Variants in DEAF1 observed in about 807,000 individuals in gnomAD.
DEAF1 encodes the protein deformed epidermal autoregulatory factor 1 homolog.
A neutral mutation model predicts 58.9 loss-of-function variants in DEAF1; 53 were observed. The observed-to-expected ratio is 0.90, with a 90% CI of 0.72 to 1.13. The LOEUF (loss-of-function observed/expected upper bound fraction) is 1.13, where lower values mean the gene tolerates loss of function less well. Among genes scored for constraint, DEAF1 ranks in the 50% most tolerant of loss-of-function variants. DEAF1 has a pLI of 0.00. For missense variants in DEAF1, 685 were observed against 791.4 expected, an observed-to-expected ratio of 0.87 and a Z score of 1.61; for synonymous variants, 385 against 340.4, an observed-to-expected ratio of 1.13 and a Z score of -1.44.
In DEAF1 at chr11:704,015, C is replaced by T. The variant is rs536862330; in HGVS notation, c.-438+2557G>A. 3.1e-5 allele frequency: 37 copies of T among 1,204,952 alleles called. No individual in the cohort carries two copies. The African/African-American group carries it at 4.4e-4, about 14-fold the overall frequency. 74.6% of individuals were successfully genotyped at this position (1,204,952 alleles called of 1,614,324 possible). A position where few individuals can be genotyped will look rare whatever the true frequency, so the allele number is the denominator to read the frequency against. On this transcript the variant is annotated intron_variant, in intron 1 of 11. Coordinates refer to the DEAF1 transcript ENST00000683307. Reference sequence around the variant, plus strand: ...GTATCTAAGCTGTTACAGTAGCTTTCCCTTCACTTGATTCTATTGTGTGTT... The same window carrying T: ...GTATCTAAGCTGTTACAGTAGCTTTTCCTTCACTTGATTCTATTGTGTGTT...
rs564111892 is a variant in DEAF1, at chr11:658,938, T to G, written c.1504-4887A>C. 2.3e-4 allele frequency among the ~76,000 whole-genome samples: 35 copies of G among 152,336 alleles called. No individual in the cohort carries two copies. In the South Asian group the frequency reaches 7.2e-3, roughly 32 times the overall value. On this transcript the variant is annotated intron_variant, in intron 10 of 11. Transcript: ENST00000382409. ...GTTTCATTATAATTGATTTTTAAAT[T>G]AGACAAATTACAGATAACAAAGCCA... is the stretch of plus-strand genomic sequence containing the variant.
chr11:686,929 C>T lies in DEAF1; in HGVS notation c.733G>A (p.Gly245Arg), dbSNP rs775180184. ...YSPTEFEAMA[G>R]RASSKDWKRS... ...TTCCAGTCCTTACTGCTGGCTCTTC[C>T]TGCCATGGCCTCAAACTCGGTGGGA... The change falls in exon 5 of 12, where the codon GGA (glycine) becomes AGA (arginine). Residue 245 changes from glycine to arginine, a missense_variant. Around this residue, in one of 3 missense-constraint regions of DEAF1, gnomAD observed 132 missense variants for 234.3 expected, o/e 0.56. Transcript: ENST00000382409. The T allele has an allele frequency of 6.2e-7, 1 of 1,614,248 alleles. No homozygotes were observed. The highest frequency in any genetic ancestry group is 8.5e-7 in the Non-Finnish European group (1 of 1,180,036).
Position 688,660 on chromosome 11 carries a change from G to A in DEAF1, c.388-200C>T, listed in dbSNP as rs547426688. Among the ~76,000 whole-genome samples the A allele has an allele frequency of 1.3e-5, 2 of 152,272 alleles. No homozygotes were observed. The highest frequency in any genetic ancestry group is 2.1e-4 in the South Asian group (1 of 4,826). Reference sequence around the variant, plus strand: ...GCCAAGAACAAGAACAGACAATGCCGAAGTCTGTGTGGTGCTGAGGAAAAT... The same window carrying A: ...GCCAAGAACAAGAACAGACAATGCCAAAGTCTGTGTGGTGCTGAGGAAAAT... On this transcript the variant is annotated intron_variant, in intron 2 of 11. Coordinates refer to ENST00000382409, the MANE Select transcript of DEAF1 (RefSeq NM_021008.4). The surrounding 1 kb of genome is among the most constrained non-coding windows in gnomAD (Gnocchi z 4.3).
In DEAF1 at chr11:674,664, T is replaced by C. The variant is rs766654698; in HGVS notation, c.1375A>G (p.Met459Val). Residue 459 changes from methionine (M) to valine (V), a missense_variant, in exon 10 of 12, where the codon ATG becomes GTG. Around this residue, in one of 3 missense-constraint regions of DEAF1, gnomAD observed 343 missense variants for 379.8 expected, o/e 0.90. Transcript: ENST00000382409. ...GCTGTGTTGAGCAAGGAGTTGACCA[T>C]CTCTTCTAGGTACAGCCAGCTCCGC... ...EPRSWLYLEEMVNSLLNTAQQ... is the reference protein window; with the variant it reads ...EPRSWLYLEEVVNSLLNTAQQ... 1 of 1,614,040 alleles carries C rather than the reference T, an allele frequency of 6.2e-7. No individual in the cohort carries two copies. The highest frequency in any genetic ancestry group is 1.1e-5 in the South Asian group (1 of 91,084).
chr11:700,570 G>A (rs747095192), intron 1 of DEAF1: 2 of 1,471,164 alleles, frequency 1.4e-6, no homozygotes, highest in Admixed American at 1.7e-5. Context: ...GGCTGCTGCT[G>A]CTGTGCCAGG....
chr11:676,824 A>G (rs957720483), intron 9 of DEAF1, among the ~76,000 whole-genome samples: 11 of 152,152 alleles, frequency 7.2e-5, no homozygotes, highest in Admixed American at 3.9e-4. Context: ...CAATTGGAGA[A>G]GAAAGTTACA....
At chr11:691,697 G>A in intron 1 of DEAF1, 99 bp from the exon 2 acceptor site, 1 of 965,878 alleles carries the variant, frequency 1.0e-6, no homozygotes, top group Middle Eastern at 2.1e-4. Context: ...CTCCCCCTCA[G>A]GTGTGTGCCC....
Position 644,543 on chromosome 11 carries a change from T to G in DEAF1, c.*7A>C, listed in dbSNP as rs1044628242. 1 of 1,611,328 alleles carries G rather than the reference T, an allele frequency of 6.2e-7. No homozygotes were observed. Among genetic ancestry groups the G allele is most frequent in the Admixed American group, 1.7e-5 (1 of 59,934 alleles). On this transcript the variant is annotated 3_prime_UTR_variant, in exon 12 of 12. Transcript: ENST00000382409. This position sits in a 1 kb window ranked among gnomAD's most constrained non-coding sequence, Gnocchi z 4.3. ...GGGCCCCAGCTCCCAGGGCGGCCGA[T>G]GGAGCCTCACACGGTCACCTTCTCC...
At chr11:702,786 T>C (rs938628175) in intron 1 of DEAF1, among the ~76,000 whole-genome samples, 1 of 152,246 alleles carries the variant, frequency 6.6e-6, no homozygotes, top group Non-Finnish European at 1.5e-5. Flanking sequence ...TCCTGAGTTC[T>C]GGGTGGCCAT....
upstream of DEAF1, chr11:699,947 G>T: frequency 3.5e-6 from 2 of 564,082 alleles, no homozygotes; most frequent in South Asian, 2.0e-5. Context: ...CAAAGGCCTT[G>T]TCAGCTCATG....
At chr11:704,423 A>G in intron 1 of DEAF1, 2 of 1,285,660 alleles carry the variant, frequency 1.6e-6, no homozygotes, top group Non-Finnish European at 2.0e-6. Context: ...ACTTCCTTTG[A>G]CCTGTCTGTG....
intron 1 of DEAF1, chr11:700,742 C>T (rs1430618648): frequency 6.5e-7 from 1 of 1,539,382 alleles, no homozygotes; most frequent in South Asian, 1.1e-5. Context: ...AGAACCTGTC[C>T]TAAGAGTTGC....
At chr11:681,436 A>G in intron 6 of DEAF1, among the ~76,000 whole-genome samples, 1 of 141,140 alleles carries the variant, frequency 7.1e-6, no homozygotes, top group African/African-American at 2.7e-5. Context: ...TTTGAGACAG[A>G]GTCTCGCTCT....
chr11:645,312 G>C (rs1431047469), intron 11 of DEAF1, among the ~76,000 whole-genome samples: 1 of 152,132 alleles, frequency 6.6e-6, no homozygotes, highest in Non-Finnish European at 1.5e-5. Context: ...ATCAAGTTCT[G>C]TGGGGGTTTT....
At chr11:694,440 T>G in intron 1 of DEAF1, 1 of 249,758 alleles carries the variant, frequency 4.0e-6, no homozygotes, top group Non-Finnish European at 7.4e-6. Flanking sequence ...AGGCAGGTAT[T>G]TGTGGCAGGT....
At chr11:689,709 C>T (rs74045097) in intron 2 of DEAF1, 372 of 152,318 alleles carry the variant, frequency 2.4e-3, no homozygotes, top group African/African-American at 8.6e-3. Flanking sequence ...GTTTAAGAGT[C>T]ACAGAGTATT....
chr11:657,345 A>G (rs898926435), intron 10 of DEAF1, among the ~76,000 whole-genome samples: 1 of 152,176 alleles, frequency 6.6e-6, no homozygotes, highest in African/African-American at 2.4e-5. Context: ...AAGTCTGTTG[A>G]AAGGGGTGCA....
chr11:679,586 G>A (rs1334394109), intron 8 of DEAF1, 102 bp downstream of exon 8: 13 of 1,567,132 alleles, frequency 8.3e-6, no homozygotes, highest in South Asian at 2.2e-5. Flanking sequence ...GGCCCCTCTC[G>A]AGGCACCCAG....
chr11:672,402 C>T (rs1003577636), intron 10 of DEAF1, among the ~76,000 whole-genome samples: 1 of 139,604 alleles, frequency 7.2e-6, no homozygotes, highest in Non-Finnish European at 1.5e-5. Context: ...TGAGAATCAC[C>T]GTTCATTATG....
Sources: gnomAD v4.1 joint callset for allele counts (sites outside exome capture counted in the v4.1 genomes callset) on GRCh38, gnomAD v4.1.1 for gene constraint, gnomAD v4.1.1 regional missense constraint, Gnocchi (gnomAD v3.1) non-coding constraint, MANE v1.5 for transcripts, NCBI Gene and HGNC (gene_info 2026-07-23, HGNC 2026-07-21) for gene names.